MYH15: variants seen among roughly 807,000 people sequenced by gnomAD.
MYH15 encodes the protein myosin-15.
In MYH15, 227 loss-of-function variants were observed where a neutral mutation model predicts 240.5. The observed-to-expected ratio is 0.94, with a 90% confidence interval of 0.85 to 1.05. The LOEUF (loss-of-function observed/expected upper bound fraction) is 1.05, where lower values mean the gene tolerates loss of function less well. Among genes scored for constraint, MYH15 ranks in the 50% least tolerant of loss-of-function variants. The pLI is 0.00. For missense variants in MYH15, 2,217 were observed against 2,247.5 expected, an observed-to-expected ratio of 0.99 and a Z score of 0.27; for synonymous variants, 785 against 796.7, an observed-to-expected ratio of 0.99 and a Z score of 0.25.
At chr3:108,546,565 G>T in the MYH15 span, among the ~76,000 whole-genome samples, 1,013 of 152,212 alleles carry the variant, frequency 6.7e-3, 12 homozygotes, top group African/African-American at 0.023. Context: ...AATGTAAAAA[G>T]TCCTTTGCTA....
chr3:108,452,469 T>C (rs899656174), intron 21 of MYH15, among the ~76,000 whole-genome samples: 1 of 152,120 alleles, frequency 6.6e-6, no homozygotes, highest in African/African-American at 2.4e-5. Context: ...ATTTATATAA[T>C]GGAATACTAT....
intron 1 of MYH15, among the ~76,000 whole-genome samples, chr3:108,527,977 TA>T (rs1425395589): frequency 1.3e-5 from 2 of 152,196 alleles, no homozygotes; most frequent in Non-Finnish European, 2.9e-5. Flanking sequence ...ACTTCTTGCA[TA>T]ATTATCCCTT....
chr3:108,489,928 C>G (rs1046049755), intron 9 of MYH15, among the ~76,000 whole-genome samples: 1 of 152,130 alleles, frequency 6.6e-6, no homozygotes, highest in Admixed American at 6.5e-5. Context: ...TCAGCAACCC[C>G]CAAAGACCGA....
intron 1 of MYH15, 75 bp from the exon 2 acceptor site, chr3:108,505,904 T>A: frequency 1.1e-6 from 1 of 903,470 alleles, no homozygotes; most frequent in Non-Finnish European, 1.7e-6. Context: ...ACTTTCATAC[T>A]GATAGATCTA....
Position 108,399,136 on chromosome 3 carries a change from C to T in MYH15, c.4868G>A (p.Cys1623Tyr). 1 of 1,614,246 alleles carries T rather than the reference C, an allele frequency of 6.2e-7. No homozygotes were observed. The change falls in exon 34 of 41, where the codon TGT (cysteine) becomes TAT (tyrosine). Residue 1623 changes from cysteine to tyrosine, a missense_variant. Transcript: ENST00000693548. ...TGCTTCTGACACCTGCCGGTTGGCA[C>T]AGCTAAGCTGGAGTTCCATCTCATT... ...DLNEMELQLS[C>Y]ANRQVSEATK...
At position 108,398,490 on chromosome 3, in the gene MYH15, C is replaced by G. The variant is rs574369552; in HGVS notation, c.5133+147G>C. The G allele has an allele frequency of 4.9e-5, 37 of 748,642 alleles. No homozygotes were observed. The East Asian group carries it at 9.0e-4, about 18-fold the overall frequency. The allele number at this position is 748,642 out of a possible 1,614,324, so 46.4% of individuals were successfully genotyped here. A position where few individuals can be genotyped will look rare whatever the true frequency, so the allele number is the denominator to read the frequency against. On this transcript the variant is annotated intron_variant, in intron 35 of 40. Coordinates refer to ENST00000693548, the MANE Select transcript of MYH15 (RefSeq NM_014981.3). The stretch of plus-strand genomic sequence containing the variant: ...CTGAGGGAAATAACACACTTGGGAA[C>G]AAATGAAGAGTATGAACATGCCTTG...
chr3:108,454,239 A>G, intron 20 of MYH15, 97 bp from the exon 21 acceptor site: 1 of 1,099,126 alleles, frequency 9.1e-7, no homozygotes, highest in Non-Finnish European at 1.2e-6. Flanking sequence ...CCTAGGGATA[A>G]CTGTATCAAT....
upstream of MYH15, among the ~76,000 whole-genome samples, chr3:108,514,439 C>T (rs932692469): frequency 2.0e-5 from 3 of 152,076 alleles, no homozygotes; most frequent in Non-Finnish European, 2.9e-5. Context: ...TTCAAATATA[C>T]GTTTGAATAT....
chr3:108,533,104 A>G (rs1194964309), upstream of MYH15, among the ~76,000 whole-genome samples: 3 of 147,600 alleles, frequency 2.0e-5, no homozygotes, highest in Admixed American at 2.1e-4. Context: ...ATATATTTTT[A>G]AAAACAATAA....
intron 28 of MYH15, among the ~76,000 whole-genome samples, chr3:108,420,464 C>A (rs908363675): frequency 6.6e-6 from 1 of 152,186 alleles, no homozygotes; most frequent in Admixed American, 6.5e-5. Context: ...ACTTGATTAA[C>A]CCTTATCCCC....
intron 8 of MYH15, 49 bp downstream of exon 8, chr3:108,493,065 G>T: frequency 6.9e-7 from 1 of 1,446,128 alleles, no homozygotes; most frequent in Non-Finnish European, 9.7e-7. Context: ...GGGAAGGGAA[G>T]GAAGGGAAGA....
chr3:108,409,307 G>A (rs377159211), intron 31 of MYH15, among the ~76,000 whole-genome samples: 24 of 152,298 alleles, frequency 1.6e-4, no homozygotes, highest in African/African-American at 3.9e-4. Context: ...AACTCTGACC[G>A]CACCTTAGAA....
chr3:108,475,984 T>C (rs1223320526), intron 12 of MYH15, among the ~76,000 whole-genome samples: 4 of 152,190 alleles, frequency 2.6e-5, no homozygotes, highest in Non-Finnish European at 5.9e-5. Flanking sequence ...TAAAACTGTT[T>C]CTCAACTAAC....
intron 33 of MYH15, among the ~76,000 whole-genome samples, chr3:108,400,743 A>G (rs1200717797): frequency 6.6e-6 from 1 of 152,174 alleles, no homozygotes; most frequent in East Asian, 1.9e-4. Context: ...CAGAAGGCAG[A>G]GGTTGCAGTG....
intron 37 of MYH15, among the ~76,000 whole-genome samples, chr3:108,391,212 T>C (rs1414153333): frequency 6.6e-6 from 1 of 152,230 alleles, no homozygotes; most frequent in Non-Finnish European, 1.5e-5. Context: ...TCTGTAGTCA[T>C]TAAAATTGAT....
chr3:108,408,566 G>T (rs182944130), intron 31 of MYH15, among the ~76,000 whole-genome samples, 162 bp from the exon 32 acceptor site: 42 of 152,294 alleles, frequency 2.8e-4, no homozygotes, highest in Admixed American at 1.3e-4. Context: ...TTTTAAAAGG[G>T]TATTCATTTT....
chr3:108,395,762 AGTCCTAG>A (rs1297780937), intron 35 of MYH15, among the ~76,000 whole-genome samples: 33 of 152,008 alleles, frequency 2.2e-4, no homozygotes, highest in African/African-American at 7.5e-4. Flanking sequence ...CTCAAATGTT[AGTCCTAG>A]GCTGGAGATC....
At chr3:108,532,963 CAT>C (rs1433722594), upstream of MYH15, among the ~76,000 whole-genome samples, 1 of 152,102 alleles carries the variant, frequency 6.6e-6, no homozygotes, top group African/African-American at 2.4e-5. Context: ...AGGGTTGAAA[CAT>C]GATGACAGTG....
upstream of MYH15, among the ~76,000 whole-genome samples, chr3:108,512,905 G>A (rs1010478276): frequency 1.9e-4 from 29 of 152,128 alleles, no homozygotes; most frequent in Non-Finnish European, 1.0e-4. Flanking sequence ...TTTGGAGATA[G>A]GTAACTGAAG....
Sources: gnomAD v4.1 joint callset for allele counts (sites outside exome capture counted in the v4.1 genomes callset) on GRCh38, gnomAD v4.1.1 for gene constraint, MANE v1.5 for transcripts, NCBI Gene and HGNC (gene_info 2026-07-23, HGNC 2026-07-21) for gene names.